TMEM178B: variants seen among roughly 807,000 people sequenced by gnomAD.
TMEM178B encodes transmembrane protein 178B.
In TMEM178B, 5 loss-of-function variants were observed where a neutral mutation model predicts 31.0. The observed-to-expected ratio is 0.16, with a 90% CI of 0.08 to 0.34. TMEM178B has a LOEUF of 0.34. Among genes scored for constraint, TMEM178B ranks in the 10% least tolerant of loss-of-function variants. TMEM178B has a pLI of 1.00. For missense variants in TMEM178B, 275 were observed against 400.3 expected, an observed-to-expected ratio of 0.69 and a Z score of 2.67; for synonymous variants, 164 against 164.0, an observed-to-expected ratio of 1.00 and a Z score of 0.00.
chr7:141,316,680 C>T (rs1563149624), intron 2 of TMEM178B, among the ~76,000 whole-genome samples: 1 of 152,204 alleles, frequency 6.6e-6, no homozygotes, highest in Non-Finnish European at 1.5e-5. Context: ...GACACAGGCA[C>T]TATTCCTGCT....
At chr7:141,257,088 A>C (rs540939834) in intron 2 of TMEM178B, among the ~76,000 whole-genome samples, 1 of 152,294 alleles carries the variant, frequency 6.6e-6, no homozygotes, top group East Asian at 1.9e-4. Flanking sequence ...TGGAAATTGG[A>C]AGGATCCAAG....
intron 1 of TMEM178B, among the ~76,000 whole-genome samples, chr7:141,080,212 G>A (rs1328448838): frequency 6.6e-6 from 1 of 152,162 alleles, no homozygotes; most frequent in Non-Finnish European, 1.5e-5. Flanking sequence ...TAGACATGAA[G>A]GACACATTCA....
chr7:141,305,126 A>C (rs751824720), intron 2 of TMEM178B, among the ~76,000 whole-genome samples: 7 of 152,206 alleles, frequency 4.6e-5, no homozygotes, highest in Admixed American at 3.9e-4. Flanking sequence ...GGTCTATGAC[A>C]TATTGGGCTT....
At chr7:141,364,441 C>A (rs1339217276) in intron 2 of TMEM178B, among the ~76,000 whole-genome samples, 1 of 151,980 alleles carries the variant, frequency 6.6e-6, no homozygotes, top group African/African-American at 2.4e-5. Flanking sequence ...TGGGCGGATC[C>A]TGAGGTCAGG....
At chr7:141,197,767 G>A (rs1367078640) in intron 1 of TMEM178B, among the ~76,000 whole-genome samples, 4 of 152,098 alleles carry the variant, frequency 2.6e-5, no homozygotes. Flanking sequence ...CAAGTAGCTG[G>A]ATTATAGGCA....
At chr7:141,376,200 C>A (rs1489716161) in intron 2 of TMEM178B, among the ~76,000 whole-genome samples, 1 of 152,140 alleles carries the variant, frequency 6.6e-6, no homozygotes, top group Non-Finnish European at 1.5e-5. Context: ...AGGGAATGTT[C>A]TACTTTACAG....
chr7:141,262,800 G>T (rs6970089), intron 2 of TMEM178B, among the ~76,000 whole-genome samples: 66,047 of 151,876 alleles, frequency 0.43, 14,586 homozygotes, highest in East Asian at 0.66. Flanking sequence ...TAAACATATG[G>T]GGTCCAGTTT....
chr7:141,197,677 G>T (rs1488232806), intron 1 of TMEM178B, among the ~76,000 whole-genome samples: 1 of 152,084 alleles, frequency 6.6e-6, no homozygotes, highest in Non-Finnish European at 1.5e-5. Flanking sequence ...GTCTTGCCTA[G>T]GCTGGAGTGC....
At position 141,368,056 on chromosome 7, in the gene TMEM178B, C is replaced by T. The variant is rs150305555; in HGVS notation, c.497-69552C>T. Among the ~76,000 whole-genome samples, 923 of 152,274 alleles carry T rather than the reference C, an allele frequency of 6.1e-3. 11 individuals are homozygous for T. Among genetic ancestry groups the T allele is most frequent in the African/African-American group, 0.021 (871 of 41,542 alleles). ...AAAAGGGGCCAGGCACAGTAGCTCA[C>T]GCCTGTAATCCCAGCACTTTGGGAG... On this transcript the variant is annotated intron_variant, in intron 2 of 3. Coordinates refer to ENST00000565468, the MANE Select transcript of TMEM178B (RefSeq NM_001195278.2).
chr7:141,288,463 A>G (rs1032274122), intron 2 of TMEM178B, among the ~76,000 whole-genome samples: 1 of 149,800 alleles, frequency 6.7e-6, no homozygotes, highest in African/African-American at 2.5e-5. Flanking sequence ...TAAGCAGAGC[A>G]TCCCTGTCCG....
At chr7:141,203,069 G>A (rs1214700563) in intron 1 of TMEM178B, among the ~76,000 whole-genome samples, 19 of 152,170 alleles carry the variant, frequency 1.2e-4, no homozygotes, top group Non-Finnish European at 1.5e-5. Context: ...AGAATCCAAT[G>A]TGATAATGCG....
chr7:141,363,870 A>C (rs1196810428), intron 2 of TMEM178B, among the ~76,000 whole-genome samples: 3 of 152,134 alleles, frequency 2.0e-5, no homozygotes, highest in Non-Finnish European at 4.4e-5. Context: ...AGCCTAAGCA[A>C]CAAAGTGAGA....
chr7:141,297,769 G>C (rs1156974239), intron 2 of TMEM178B, among the ~76,000 whole-genome samples: 2 of 152,150 alleles, frequency 1.3e-5, no homozygotes, highest in African/African-American at 4.8e-5. Flanking sequence ...ATGGACATTT[G>C]GGTTGGTTCC....
intron 2 of TMEM178B, among the ~76,000 whole-genome samples, chr7:141,228,910 C>A (rs1797389271): frequency 6.6e-6 from 1 of 151,844 alleles, no homozygotes; most frequent in African/African-American, 2.4e-5. Context: ...ACAGACGGGG[C>A]ACCCCTTTTA....
chr7:141,483,799 G>A (rs1277749676), downstream of TMEM178B, among the ~76,000 whole-genome samples: 5 of 150,192 alleles, frequency 3.3e-5, no homozygotes, highest in Non-Finnish European at 3.0e-5. Flanking sequence ...GCAGTAGCAC[G>A]ATCTCAGCTC....
chr7:141,436,514 G>GTTTGTAA (rs1801544027), intron 2 of TMEM178B, among the ~76,000 whole-genome samples: 1 of 152,162 alleles, frequency 6.6e-6, no homozygotes, highest in East Asian at 1.9e-4. Context: ...TGGAGAGAGG[G>GTTTGTAA]CCCAGGGAGC....
intron 1 of TMEM178B, among the ~76,000 whole-genome samples, chr7:141,075,356 GTTCT>G (rs1586754141): frequency 6.6e-6 from 1 of 151,914 alleles, no homozygotes; most frequent in African/African-American, 2.4e-5. Context: ...AAAAAAAATA[GTTCT>G]TTCAGTAACA....
At chr7:141,084,006 T>A (rs1794736196) in intron 1 of TMEM178B, among the ~76,000 whole-genome samples, 1 of 152,194 alleles carries the variant, frequency 6.6e-6, no homozygotes, top group South Asian at 2.1e-4. Context: ...GGCTTTGCCA[T>A]TTTGGCCAGG....
chr7:141,335,173 G>A (rs994599768), intron 2 of TMEM178B, among the ~76,000 whole-genome samples: 9 of 152,148 alleles, frequency 5.9e-5, no homozygotes, highest in African/African-American at 2.2e-4. Context: ...ATTAATGTCA[G>A]GAGACCGAGA....
Sources: allele counts gnomAD v4.1 joint callset (sites outside exome capture counted in the v4.1 genomes callset), GRCh38; gene constraint gnomAD v4.1.1; transcripts MANE v1.5; gene names NCBI Gene and HGNC (gene_info 2026-07-23, HGNC 2026-07-21).